PALM2AKAP2: variants seen among roughly 807,000 people sequenced by gnomAD.
PALM2AKAP2 encodes the protein PALM2 and AKAP2 fusion.
Under a neutral mutation model 71.5 loss-of-function variants are expected in PALM2AKAP2, and 37 were observed. That is an observed-to-expected ratio of 0.52 (90% confidence interval 0.40 to 0.68). The LOEUF (loss-of-function observed/expected upper bound fraction) is 0.68. Among genes scored for constraint, PALM2AKAP2 ranks in the 30% least tolerant of loss-of-function variants. The pLI, the probability that PALM2AKAP2 is intolerant of heterozygous loss-of-function variation, is 0.00. For synonymous variants in PALM2AKAP2, 468 were observed against 478.8 expected, an observed-to-expected ratio of 0.98 and a Z score of 0.29; for missense variants, 1,224 against 1,191.8, an observed-to-expected ratio of 1.03 and a Z score of -0.40.
At chr9:109,839,028 C>T (rs1007523122) in intron 1 of PALM2AKAP2, among the ~76,000 whole-genome samples, 1 of 152,214 alleles carries the variant, frequency 6.6e-6, no homozygotes, top group Non-Finnish European at 1.5e-5. Flanking sequence ...CTTCCTAACT[C>T]ATTTTATGAG....
chr9:110,053,813 G>C (rs368260188), intron 1 of PALM2AKAP2, among the ~76,000 whole-genome samples: 2 of 152,278 alleles, frequency 1.3e-5, no homozygotes, highest in African/African-American at 4.8e-5. Context: ...GCATGAACTC[G>C]TTGAAGGGGG....
chr9:110,027,863 G>A (rs1833210645), intron 7 of PALM2AKAP2, among the ~76,000 whole-genome samples: 2 of 152,176 alleles, frequency 1.3e-5, no homozygotes, highest in African/African-American at 4.8e-5. Context: ...CCAGCCGGTT[G>A]CCCTTTGTAT....
chr9:109,890,219 T>C (rs1830055872), intron 3 of PALM2AKAP2, among the ~76,000 whole-genome samples: 1 of 152,250 alleles, frequency 6.6e-6, no homozygotes, highest in South Asian at 2.1e-4. Context: ...CATGGAGGTC[T>C]TATTTGGTAC....
At chr9:109,904,206 T>G (rs1452170543) in intron 3 of PALM2AKAP2, among the ~76,000 whole-genome samples, 1 of 152,240 alleles carries the variant, frequency 6.6e-6, no homozygotes, top group Non-Finnish European at 1.5e-5. Context: ...GATGTAGGTA[T>G]TCCATATGCA....
rs547649849 is a variant in PALM2AKAP2, at chr9:109,984,142, TA to T, written c.497-31810del. 1.8e-3 allele frequency among the ~76,000 whole-genome samples: 279 copies of T among 152,308 alleles called. 1 individual carries two copies. The highest frequency in any genetic ancestry group is 0.01 in the Middle Eastern group (3 of 294). On this transcript the variant is annotated intron_variant, in intron 6 of 9. Transcript: ENST00000302798. ...ACTTCTCCATTGACTTTGAGACCCT[TA>T]ACCCTATATATTTTTAATAATACTA...
intron 3 of PALM2AKAP2, among the ~76,000 whole-genome samples, chr9:109,920,445 C>T (rs958514451): frequency 4.0e-5 from 6 of 150,538 alleles, no homozygotes; most frequent in African/African-American, 1.2e-4. Context: ...AATCTGGGCT[C>T]GCTGCAGCCT....
At chr9:109,808,599 C>A (rs1564158386) in intron 1 of PALM2AKAP2, among the ~76,000 whole-genome samples, 1 of 152,202 alleles carries the variant, frequency 6.6e-6, no homozygotes, top group Admixed American at 6.5e-5. Context: ...AAATTTAAAG[C>A]CTGATGTTGC....
chr9:109,914,845 C>G (rs1830648847), intron 3 of PALM2AKAP2, among the ~76,000 whole-genome samples: 1 of 152,148 alleles, frequency 6.6e-6, no homozygotes, highest in Non-Finnish European at 1.5e-5. Flanking sequence ...CTTGCGTAAG[C>G]CTTTTTCAGA....
intron 2 of PALM2AKAP2, among the ~76,000 whole-genome samples, chr9:109,869,065 G>T (rs376815075): frequency 2.9e-4 from 44 of 152,222 alleles, no homozygotes; most frequent in African/African-American, 1.0e-3. Flanking sequence ...GGTTAAAGGT[G>T]AACTTTTAAA....
At chr9:110,048,973 C>T (rs1186311833) in intron 1 of PALM2AKAP2, 6 of 1,328,278 alleles carry the variant, frequency 4.5e-6, no homozygotes, top group African/African-American at 3.1e-5. Flanking sequence ...GGAAGCACCG[C>T]GGGCTTTTAA....
chr9:110,121,204 T>A (rs1308452927), intron 1 of PALM2AKAP2, among the ~76,000 whole-genome samples: 1 of 152,216 alleles, frequency 6.6e-6, no homozygotes, highest in Non-Finnish European at 1.5e-5. Flanking sequence ...AATCAGGGAT[T>A]CCTTTGGGTA....
intron 1 of PALM2AKAP2, among the ~76,000 whole-genome samples, chr9:109,769,376 C>G (rs1829219656): frequency 6.6e-6 from 1 of 152,114 alleles, no homozygotes; most frequent in South Asian, 2.1e-4. Context: ...GGTTTGAAAC[C>G]TGATGCCCAT....
intron 6 of PALM2AKAP2, among the ~76,000 whole-genome samples, chr9:109,975,098 G>A (rs1832148522): frequency 6.6e-6 from 1 of 151,940 alleles, no homozygotes; most frequent in Non-Finnish European, 1.5e-5. Context: ...GTGTATATTA[G>A]GATTCTTAAG....
intron 1 of PALM2AKAP2, among the ~76,000 whole-genome samples, chr9:109,772,448 A>C (rs554967678): frequency 6.6e-6 from 1 of 152,342 alleles, no homozygotes; most frequent in East Asian, 1.9e-4. Context: ...ACACAGACCA[A>C]ACAGCATTCA....
At chr9:109,870,986 C>A (rs185133845) in intron 2 of PALM2AKAP2, among the ~76,000 whole-genome samples, 2 of 152,278 alleles carry the variant, frequency 1.3e-5, no homozygotes, top group African/African-American at 4.8e-5. Context: ...ATATAATTTT[C>A]ATATTCTTTA....
intron 6 of PALM2AKAP2, among the ~76,000 whole-genome samples, chr9:110,007,871 GATCTAAAAAGGATATA>G (rs1832813783): frequency 6.6e-6 from 1 of 152,200 alleles, no homozygotes; most frequent in South Asian, 2.1e-4. Flanking sequence ...CAGCCATGTA[GATCTAAAAAGGATATA>G]ATCTAATGTT....
At chr9:109,760,857 A>AT (rs944576934) in intron 1 of PALM2AKAP2, among the ~76,000 whole-genome samples, 38 of 151,906 alleles carry the variant, frequency 2.5e-4, no homozygotes, top group South Asian at 4.2e-4. Flanking sequence ...CAACTGTTGC[A>AT]TTTTTTTTCT....
At chr9:110,165,284 T>TCACACACACACACACA (rs58758256) in intron 3 of PALM2AKAP2, among the ~76,000 whole-genome samples, 1 of 142,270 alleles carries the variant, frequency 7.0e-6, no homozygotes, top group African/African-American at 2.6e-5. Flanking sequence ...TGCTAGAGAT[T>TCACACACACACACACA]CACACACACA....
intron 1 of PALM2AKAP2, among the ~76,000 whole-genome samples, chr9:110,132,352 G>T (rs886399169): frequency 6.6e-6 from 1 of 151,392 alleles, no homozygotes; most frequent in East Asian, 1.9e-4. Flanking sequence ...GAGCCACCGT[G>T]CGGGCTTCTT....
Sources: gnomAD v4.1 joint callset for allele counts (sites outside exome capture counted in the v4.1 genomes callset) on GRCh38, gnomAD v4.1.1 for gene constraint, MANE v1.5 for transcripts, NCBI Gene and HGNC (gene_info 2026-07-23, HGNC 2026-07-21) for gene names.